The following KPNA7 variants were observed in gnomAD, a reference collection of about 807,000 sequenced individuals.
KPNA7 encodes karyopherin subunit alpha 7, also known as importin subunit alpha-8.
Under a neutral mutation model 53.7 loss-of-function variants are expected in KPNA7, and 54 were observed. That is an observed-to-expected ratio of 1.01 (90% CI 0.81 to 1.26). KPNA7 has a LOEUF of 1.26. Ranked by LOEUF, KPNA7 falls within the 50% of genes most tolerant of loss-of-function variation. KPNA7 has a pLI of 0.00. For synonymous variants in KPNA7, 276 were observed against 259.3 expected (o/e 1.06, Z -0.62); for missense variants, 640 against 644.5 (o/e 0.99, Z 0.07).
chr7:99,169,111 G>A (rs868160261), downstream of KPNA7, among the ~76,000 whole-genome samples: 6 of 152,112 alleles, frequency 3.9e-5, no homozygotes, highest in Non-Finnish European at 1.5e-5. Context: ...AGCTGAGATC[G>A]CGCCACTTCA....
the KPNA7 span, among the ~76,000 whole-genome samples, chr7:99,159,057 G>A: frequency 1.3e-5 from 2 of 151,964 alleles, no homozygotes; most frequent in Non-Finnish European, 2.9e-5. Flanking sequence ...TAGAGACGGG[G>A]TTTCACCATG....
At chr7:99,218,379 G>A (rs929601561) in intron 1 of KPNA7, among the ~76,000 whole-genome samples, 16 of 152,064 alleles carry the variant, frequency 1.1e-4, no homozygotes, top group Non-Finnish European at 5.9e-5. Flanking sequence ...AAGGAGGCAA[G>A]AGACCAGGCC....
intron 10 of KPNA7, 57 bp from the exon 11 acceptor site, chr7:99,173,851 C>A: frequency 9.5e-7 from 1 of 1,052,530 alleles, no homozygotes; most frequent in Non-Finnish European, 1.4e-6. Flanking sequence ...ATTATCACTG[C>A]ACATTTGGCA....
chr7:99,196,478 C>G (rs1466099061), intron 3 of KPNA7, among the ~76,000 whole-genome samples: 1 of 152,184 alleles, frequency 6.6e-6, no homozygotes, highest in Non-Finnish European at 1.5e-5. Flanking sequence ...AAAAAATTCT[C>G]TCCTCCACAT....
chr7:99,197,625 A>G (rs1363111292), intron 3 of KPNA7, among the ~76,000 whole-genome samples: 1 of 152,238 alleles, frequency 6.6e-6, no homozygotes, highest in East Asian at 1.9e-4. Flanking sequence ...CAGTGAACAG[A>G]TATCAGTTAT....
Position 99,207,498 on chromosome 7 carries a change from T to C in KPNA7, c.-23-9A>G. On this transcript the variant is annotated splice_polypyrimidine_tract_variant and intron_variant, in intron 1 of 10. Coordinates refer to ENST00000327442, the MANE Select transcript of KPNA7 (RefSeq NM_001145715.3). The stretch of plus-strand genomic sequence containing the variant: ...TGGAAGTAGTAAGTTACCTGCAGGT[T>C]GGACAGCAACAAAGAAATTTTCAGT... 6.7e-7 allele frequency: 1 copy of C among 1,497,304 alleles called. No individual in the cohort carries two copies. The highest frequency in any genetic ancestry group is 1.4e-5 in the African/African-American group (1 of 72,018). 92.8% of individuals were successfully genotyped at this position (1,497,304 alleles called of 1,614,324 possible). A position where few individuals can be genotyped will look rare whatever the true frequency, so the allele number is the denominator to read the frequency against.
In KPNA7 at chr7:99,207,421, A is replaced by G. The variant is rs1211894026; in HGVS notation, c.46T>C (p.Tyr16His). 6.4e-7 allele frequency: 1 copy of G among 1,551,402 alleles called. No homozygotes were observed. The change falls in exon 2 of 11, where the codon TAC becomes CAC. Residue 16 changes from tyrosine (Y) to histidine (H), a missense_variant. Physicochemically the swap from Tyr to His is moderately conservative, Grantham distance 83 (BLOSUM62 2). Transcript: ENST00000327442. The stretch of plus-strand genomic sequence containing the variant: ...CTCACAGACACATCTTTGCCTCGGT[A>G]CTTAAATTTTCTCCGCCTCTCTTCT... ...APEERRRKFK[Y>H]RGKDVSLRRQ... is the part of the protein sequence containing the mutation.
At chr7:99,182,236 C>T (rs1406059874) in intron 8 of KPNA7, among the ~76,000 whole-genome samples, 171 bp from the exon 9 acceptor site, 1 of 152,058 alleles carries the variant, frequency 6.6e-6, no homozygotes, top group Non-Finnish European at 1.5e-5. Flanking sequence ...CTCACTCTGT[C>T]GCCCAGGCTG....
At chr7:99,205,151 C>T (rs758845834) in intron 2 of KPNA7, among the ~76,000 whole-genome samples, 3 of 151,840 alleles carry the variant, frequency 2.0e-5, no homozygotes, top group Non-Finnish European at 2.9e-5. Context: ...GGGCCAGGCA[C>T]GGTGGCTCAT....
At chr7:99,149,881 G>A in the KPNA7 span, among the ~76,000 whole-genome samples, 5 of 151,924 alleles carry the variant, frequency 3.3e-5, no homozygotes, top group South Asian at 6.2e-4. Flanking sequence ...TGCAACCTCC[G>A]CCTCCTGGGT....
At chr7:99,158,605 G>A in the KPNA7 span, among the ~76,000 whole-genome samples, 1 of 152,058 alleles carries the variant, frequency 6.6e-6, no homozygotes, top group Non-Finnish European at 1.5e-5. Context: ...CTGAGTTCAA[G>A]CGATTCTCAT....
intron 2 of KPNA7, among the ~76,000 whole-genome samples, chr7:99,206,131 G>C (rs1244603914): frequency 6.6e-6 from 1 of 152,188 alleles, no homozygotes; most frequent in African/African-American, 2.4e-5. Context: ...CCTTGAGGAA[G>C]CAATCCAGCT....
intron 7 of KPNA7, among the ~76,000 whole-genome samples, chr7:99,186,180 T>C (rs1789579448): frequency 6.6e-6 from 1 of 152,198 alleles, no homozygotes; most frequent in Admixed American, 6.6e-5. Flanking sequence ...GAGATCTCAA[T>C]GCCATTTCCT....
chr7:99,163,372 T>TAC, the KPNA7 span, among the ~76,000 whole-genome samples: 1 of 59,788 alleles, frequency 1.7e-5, no homozygotes, highest in African/African-American at 6.2e-5. Context: ...TATATATATA[T>TAC]ATATATATAT....
chr7:99,180,699 GT>G lies in KPNA7; in HGVS notation c.1317+1183del, dbSNP rs1799155091. On this transcript the variant is annotated intron_variant, in intron 9 of 10. Transcript: ENST00000327442. ...TGTCTCTCTCCCCGTCTGTGTCTCT[GT>G]CTGTGTCTCTCTCTCTCTCCGTCTG... Among the ~76,000 whole-genome samples, 3 of 47,742 alleles carry G rather than the reference GT, an allele frequency of 6.3e-5. No individual in the cohort carries two copies. In the Admixed American group the frequency reaches 7.7e-4, roughly 12 times the overall value. The allele number at this position is 47,742 out of a possible 152,430, so 31.3% of individuals were successfully genotyped here.
In KPNA7 at chr7:99,176,137, A is replaced by T. The variant is rs550807454; in HGVS notation, c.1464+1783T>A. Among the ~76,000 whole-genome samples, 262 of 151,912 alleles carry T rather than the reference A, an allele frequency of 1.7e-3. 1 individual carries two copies. Among genetic ancestry groups the T allele is most frequent in the Admixed American group, 4.1e-3 (62 of 15,254 alleles). On this transcript the variant is annotated intron_variant, in intron 10 of 10. Transcript: ENST00000327442. ...CACGGTGAAACCCCGTCTCTACTAA[A>T]AGTACAAAAAATTAGCCGGACATGG...
At chr7:99,169,493 G>C (rs932985949), downstream of KPNA7, among the ~76,000 whole-genome samples, 3 of 151,412 alleles carry the variant, frequency 2.0e-5, no homozygotes, top group Admixed American at 2.0e-4. Context: ...GGTGGGGCAC[G>C]CCTGTAATCT....
At chr7:99,187,795 TTTTTAAAAAAAAAAAAAAAAA>T (rs1430232641) in intron 7 of KPNA7, among the ~76,000 whole-genome samples, 2 of 24,762 alleles carry the variant, frequency 8.1e-5, no homozygotes, top group African/African-American at 1.8e-4. Context: ...CCGGCCTTTT[TTTTTAAAAAAAAAAAAAAAAA>T]AAAAAAAAAA....
chr7:99,218,048 T>C (rs1791257349), intron 1 of KPNA7, among the ~76,000 whole-genome samples: 1 of 150,722 alleles, frequency 6.6e-6, no homozygotes, highest in Non-Finnish European at 1.5e-5. Flanking sequence ...CTGCAGGCCA[T>C]GCCCAGGTTG....
Sources: allele counts gnomAD v4.1 joint callset (sites outside exome capture counted in the v4.1 genomes callset), GRCh38; gene constraint gnomAD v4.1.1; transcripts MANE v1.5; gene names NCBI Gene and HGNC (gene_info 2026-07-23, HGNC 2026-07-21).